Variants in RPS6KC1 observed in about 807,000 individuals in gnomAD.
RPS6KC1 encodes the protein inactive ribosomal protein S6 kinase delta-1.
A neutral mutation model predicts 103.8 loss-of-function variants in RPS6KC1; 54 were observed. The observed-to-expected ratio is 0.52, with a 90% confidence interval of 0.42 to 0.65. The LOEUF (loss-of-function observed/expected upper bound fraction) is 0.65, where lower values mean the gene tolerates loss of function less well. Ranked by LOEUF, RPS6KC1 falls within the 30% of genes least tolerant of loss-of-function variation. The probability of loss-of-function intolerance (pLI) is 0.00; values close to 1 mark genes in which losing one functional copy is unlikely to be tolerated. For synonymous variants in RPS6KC1, 439 were observed against 438.7 expected (o/e 1.00, Z -0.01); for missense variants, 1,151 against 1,253.8 (o/e 0.92, Z 1.24).
intron 2 of RPS6KC1, 122 bp downstream of exon 2, chr1:213,071,163 C>T (rs1385265032): frequency 2.1e-5 from 12 of 566,186 alleles, no homozygotes; most frequent in Non-Finnish European, 3.7e-5. Context: ...GAGTTTCGCT[C>T]CTGTTGCTCA....
chr1:213,146,681 T>A (rs1441989368), intron 6 of RPS6KC1, among the ~76,000 whole-genome samples: 1 of 151,986 alleles, frequency 6.6e-6, no homozygotes, highest in African/African-American at 2.4e-5. Flanking sequence ...CACGTCGGCC[T>A]CCCAAAGTGC....
chr1:213,381,044 C>T, the RPS6KC1 span, among the ~76,000 whole-genome samples: 32 of 152,292 alleles, frequency 2.1e-4, no homozygotes, highest in African/African-American at 6.0e-4. Flanking sequence ...GGAAGTGCTT[C>T]TGCAAACTGC....
At chr1:213,791,691 GA>G in the RPS6KC1 span, among the ~76,000 whole-genome samples, 1 of 152,158 alleles carries the variant, frequency 6.6e-6, no homozygotes, top group African/African-American at 2.4e-5. Flanking sequence ...TCACTTTTAT[GA>G]ATTGCTTTAT....
chr1:213,769,901 AT>A, the RPS6KC1 span, among the ~76,000 whole-genome samples: 5 of 152,276 alleles, frequency 3.3e-5, no homozygotes, highest in East Asian at 9.6e-4. Context: ...AATATGTCAA[AT>A]TGTGGACTGT....
At chr1:213,455,932 C>G in the RPS6KC1 span, among the ~76,000 whole-genome samples, 1 of 152,130 alleles carries the variant, frequency 6.6e-6, no homozygotes, top group Non-Finnish European at 1.5e-5. Context: ...CCCAGGAGCC[C>G]CTTCCTCACC....
At chr1:213,342,156 G>A in the RPS6KC1 span, among the ~76,000 whole-genome samples, 1 of 152,162 alleles carries the variant, frequency 6.6e-6, no homozygotes, top group Non-Finnish European at 1.5e-5. Flanking sequence ...TGAAGGGTGA[G>A]TCAGATTCCA....
the RPS6KC1 span, among the ~76,000 whole-genome samples, chr1:213,615,731 A>G: frequency 6.6e-6 from 1 of 152,232 alleles, no homozygotes; most frequent in Admixed American, 6.5e-5. Context: ...TTTGCAAGCC[A>G]GCTGAGCTGC....
the RPS6KC1 span, among the ~76,000 whole-genome samples, chr1:213,628,552 G>A: frequency 4.6e-5 from 7 of 152,000 alleles, no homozygotes; most frequent in African/African-American, 1.5e-4. Context: ...ATGTATACAT[G>A]TGCCATGTTG....
intron 5 of RPS6KC1, 21 bp from the exon 6 acceptor site, chr1:213,129,506 C>G (rs756751428): frequency 1.3e-6 from 2 of 1,569,590 alleles, no homozygotes; most frequent in South Asian, 1.2e-5. Context: ...TATCTGTTTA[C>G]TATTGTGATC....
chr1:213,800,299 T>A, the RPS6KC1 span, among the ~76,000 whole-genome samples: 2 of 152,042 alleles, frequency 1.3e-5, no homozygotes, highest in Admixed American at 1.3e-4. Context: ...ACAGCTCTCC[T>A]AGAAGAAATT....
the RPS6KC1 span, among the ~76,000 whole-genome samples, chr1:213,382,262 T>G: frequency 6.6e-6 from 1 of 152,342 alleles, no homozygotes; most frequent in East Asian, 1.9e-4. Context: ...GAGATCTGGA[T>G]GCTGGTGGCA....
intron 12 of RPS6KC1, among the ~76,000 whole-genome samples, chr1:213,255,652 A>G (rs1242442818): frequency 1.3e-5 from 2 of 152,214 alleles, no homozygotes; most frequent in African/African-American, 4.8e-5. Flanking sequence ...TTCAGTGTGT[A>G]TCTTAAAATT....
chr1:213,082,432 A>G (rs565292375), intron 3 of RPS6KC1, among the ~76,000 whole-genome samples: 1 of 151,490 alleles, frequency 6.6e-6, no homozygotes, highest in Non-Finnish European at 1.5e-5. Context: ...CTCCATCCCA[A>G]AAAAATAAAT....
In RPS6KC1 at chr1:213,167,862, G is replaced by T; in HGVS notation, c.840G>T (p.Glu280Asp). Residue 280 changes from glutamate to aspartate, a missense_variant, in exon 7 of 15, where the codon GAG becomes GAT. Around this residue, in one of 3 missense-constraint regions of RPS6KC1, gnomAD observed 959 missense variants for 1,006.3 expected, o/e 0.95. Transcript: ENST00000366960. Reference protein sequence around the residue: ...VDLLLEGVQGESSPTRREAVK... With the variant: ...VDLLLEGVQGDSSPTRREAVK... ...TGTCCAGACTTTTTTTTTTAGGAGA[G>T]TCAAGCCCTACCCGTCGAGAAGCTG... 1 of 1,603,354 alleles carries T rather than the reference G, an allele frequency of 6.2e-7. No individual in the cohort carries two copies. Among genetic ancestry groups the T allele is most frequent in the Non-Finnish European group, 8.5e-7 (1 of 1,175,660 alleles).
chr1:213,292,796 G>A, the RPS6KC1 span, among the ~76,000 whole-genome samples: 2 of 152,134 alleles, frequency 1.3e-5, no homozygotes, highest in African/African-American at 2.4e-5. Flanking sequence ...AACTATGATC[G>A]GGTAATTGTT....
intron 14 of RPS6KC1, among the ~76,000 whole-genome samples, chr1:213,267,854 GAACTT>G (rs1393808479): frequency 6.6e-6 from 1 of 151,458 alleles, no homozygotes; most frequent in Non-Finnish European, 1.5e-5. Context: ...AAGAATAAAT[GAACTT>G]AAATTAATAG....
At chr1:213,417,752 G>A in the RPS6KC1 span, among the ~76,000 whole-genome samples, 6 of 152,212 alleles carry the variant, frequency 3.9e-5, no homozygotes, top group Non-Finnish European at 8.8e-5. Flanking sequence ...TCAGGGTAGA[G>A]GATGAACAGG....
chr1:213,664,063 G>T, the RPS6KC1 span, among the ~76,000 whole-genome samples: 68 of 152,266 alleles, frequency 4.5e-4, no homozygotes, highest in Non-Finnish European at 8.5e-4. Context: ...AGATGCCGCA[G>T]GTCACAGCAG....
intron 7 of RPS6KC1, among the ~76,000 whole-genome samples, chr1:213,169,277 T>G (rs1161756294): frequency 6.6e-6 from 1 of 152,232 alleles, no homozygotes; most frequent in African/African-American, 2.4e-5. Flanking sequence ...CTAATCAGTG[T>G]AAGACATTCT....
Sources: gnomAD v4.1 joint callset for allele counts (sites outside exome capture counted in the v4.1 genomes callset) on GRCh38, gnomAD v4.1.1 for gene constraint, gnomAD v4.1.1 regional missense constraint, MANE v1.5 for transcripts, NCBI Gene and HGNC (gene_info 2026-07-23, HGNC 2026-07-21) for gene names.